The following PLCB1 variants were observed in gnomAD, a reference collection of about 807,000 sequenced individuals.
PLCB1 encodes the protein 1-phosphatidylinositol 4,5-bisphosphate phosphodiesterase beta-1.
A neutral mutation model predicts 161.8 loss-of-function variants in PLCB1; 46 were observed. The observed-to-expected ratio is 0.28, with a 90% CI of 0.22 to 0.36. The LOEUF is 0.36. Ranked by LOEUF, PLCB1 falls within the 10% of genes least tolerant of loss-of-function variation. PLCB1 has a pLI of 1.00. For synonymous variants in PLCB1, 517 were observed against 503.7 expected, an observed-to-expected ratio of 1.03 and a Z score of -0.35; for missense variants, 1,016 against 1,472.5, an observed-to-expected ratio of 0.69 and a Z score of 5.07.
intron 3 of PLCB1, among the ~76,000 whole-genome samples, chr20:8,536,152 A>T (rs1001012896): frequency 2.6e-5 from 4 of 152,138 alleles, no homozygotes; most frequent in Non-Finnish European, 4.4e-5. Flanking sequence ...TGTAAGGATG[A>T]GGGGATAATG....
At chr20:8,733,983 C>T (rs1980435857) in intron 19 of PLCB1, among the ~76,000 whole-genome samples, 1 of 147,410 alleles carries the variant, frequency 6.8e-6, no homozygotes, top group East Asian at 2.0e-4. Context: ...AAACAATTAG[C>T]CGGGCGTGGT....
rs78281703 is a variant in PLCB1 at position 8,410,222 on chromosome 20, G to A, written c.246+38772G>A. Among the ~76,000 whole-genome samples, 726 of 152,014 alleles carry A rather than the reference G, an allele frequency of 4.8e-3. 18 individuals are homozygous for A. Among genetic ancestry groups the A allele is most frequent in the East Asian group, 0.038 (195 of 5,172 alleles). ...ATTGACAGTCTTTTGTATAGTTCTC[G>A]GTTTGGTGCTATGACAAAGAGTGTT... is the stretch of plus-strand genomic sequence containing the variant. On this transcript the variant is annotated intron_variant, in intron 3 of 31. Transcript: ENST00000338037.
At chr20:8,442,158 T>A (rs1164409965) in intron 3 of PLCB1, among the ~76,000 whole-genome samples, 2 of 152,198 alleles carry the variant, frequency 1.3e-5, no homozygotes, top group Non-Finnish European at 2.9e-5. Flanking sequence ...CTAGAAAAAA[T>A]ATGTCTTAAA....
intron 3 of PLCB1, among the ~76,000 whole-genome samples, chr20:8,416,869 G>A (rs977734364): frequency 1.3e-5 from 2 of 149,334 alleles, no homozygotes; most frequent in African/African-American, 4.9e-5. Context: ...TGAATGCTAC[G>A]CATAGTGCTT....
intron 2 of PLCB1, among the ~76,000 whole-genome samples, chr20:8,270,908 G>A (rs1002984011): frequency 6.6e-6 from 1 of 152,054 alleles, no homozygotes; most frequent in Non-Finnish European, 1.5e-5. Context: ...TACATAATTG[G>A]CCTCAATCCC....
At chr20:8,614,364 A>ACACC (rs1555776644) in intron 3 of PLCB1, among the ~76,000 whole-genome samples, 1 of 151,864 alleles carries the variant, frequency 6.6e-6, no homozygotes, top group African/African-American at 2.4e-5. Context: ...ATACACATAC[A>ACACC]CACACACAGA....
At chr20:8,717,465 G>GC (rs1555785551) in intron 13 of PLCB1, among the ~76,000 whole-genome samples, 1 of 151,312 alleles carries the variant, frequency 6.6e-6, no homozygotes. Context: ...AGAATATGTT[G>GC]AAAAAAAAAG....
At chr20:8,848,370 G>A (rs1013763202) in intron 31 of PLCB1, among the ~76,000 whole-genome samples, 1 of 152,112 alleles carries the variant, frequency 6.6e-6, no homozygotes, top group Non-Finnish European at 1.5e-5. Context: ...GGTTAGTGAG[G>A]GAGGCTGAAA....
In PLCB1 at chr20:8,709,270, A is replaced by G. The variant is rs114654999; in HGVS notation, c.1250+518A>G. ...TTAATATTTGTATTTGCCAATTTCA[A>G]AATAGCCTGCATGTATTGCTGAGCT... is the stretch of plus-strand genomic sequence containing the variant. On this transcript the variant is annotated intron_variant, in intron 12 of 31. Transcript: ENST00000338037. Among the ~76,000 whole-genome samples the G allele has an allele frequency of 4.0e-3, 614 of 152,344 alleles. 11 individuals carry two copies. Among genetic ancestry groups the G allele is most frequent in the African/African-American group, 0.014 (573 of 41,588 alleles).
At chr20:8,840,657 A>C (rs960952728) in intron 31 of PLCB1, among the ~76,000 whole-genome samples, 3 of 152,346 alleles carry the variant, frequency 2.0e-5, no homozygotes, top group Middle Eastern at 6.8e-3. Flanking sequence ...CATAAATGCC[A>C]TAAGAGGAAA....
chr20:8,418,264 T>C (rs1194156850), intron 3 of PLCB1, among the ~76,000 whole-genome samples: 2 of 152,196 alleles, frequency 1.3e-5, no homozygotes, highest in Non-Finnish European at 1.5e-5. Context: ...TTTGTAAGAG[T>C]GAATTGCTCT....
intron 26 of PLCB1, among the ~76,000 whole-genome samples, chr20:8,766,656 T>A (rs1439927707): frequency 6.6e-6 from 1 of 152,190 alleles, no homozygotes; most frequent in African/African-American, 2.4e-5. Flanking sequence ...AGAAAGAAAT[T>A]GATATGGCGA....
At chr20:8,230,844 C>T (rs970053678) in intron 2 of PLCB1, among the ~76,000 whole-genome samples, 3 of 152,100 alleles carry the variant, frequency 2.0e-5, no homozygotes, top group African/African-American at 7.2e-5. Flanking sequence ...TCTAGTTTAA[C>T]ATCCAGAGAT....
At chr20:8,329,135 A>G (rs1454848765) in intron 2 of PLCB1, among the ~76,000 whole-genome samples, 1 of 152,168 alleles carries the variant, frequency 6.6e-6, no homozygotes, top group East Asian at 1.9e-4. Flanking sequence ...TATAAAAGAG[A>G]AATTTGGTGA....
intron 18 of PLCB1, among the ~76,000 whole-genome samples, chr20:8,732,615 T>C (rs1980314133): frequency 7.1e-6 from 1 of 141,546 alleles, no homozygotes; most frequent in Non-Finnish European, 1.5e-5. Flanking sequence ...TATTAGAAAT[T>C]AGATATTAGA....
At chr20:8,436,526 C>T (rs1980318912) in intron 3 of PLCB1, among the ~76,000 whole-genome samples, 1 of 151,588 alleles carries the variant, frequency 6.6e-6, no homozygotes, top group Admixed American at 6.6e-5. Flanking sequence ...AATCTGTTAA[C>T]ACCAAACTCT....
chr20:8,195,309 C>A (rs1301561219), intron 2 of PLCB1, among the ~76,000 whole-genome samples: 3 of 151,898 alleles, frequency 2.0e-5, no homozygotes, highest in African/African-American at 7.3e-5. Context: ...TAAACCTAAT[C>A]CCCAATGAGA....
chr20:8,613,951 A>G (rs1987974786), intron 3 of PLCB1, among the ~76,000 whole-genome samples: 1 of 152,074 alleles, frequency 6.6e-6, no homozygotes, highest in Non-Finnish European at 1.5e-5. Flanking sequence ...AAATATTACA[A>G]CATATATATC....
intron 2 of PLCB1, among the ~76,000 whole-genome samples, chr20:8,318,093 A>G (rs1984740049): frequency 6.6e-6 from 1 of 152,030 alleles, no homozygotes; most frequent in East Asian, 1.9e-4. Flanking sequence ...GGCAGTTACA[A>G]CCAGATATTA....
Sources: allele counts gnomAD v4.1 joint callset (sites outside exome capture counted in the v4.1 genomes callset), GRCh38; gene constraint gnomAD v4.1.1; transcripts MANE v1.5; gene names NCBI Gene and HGNC (gene_info 2026-07-23, HGNC 2026-07-21).